Variants in VTI1A observed in about 807,000 individuals in gnomAD.
The protein encoded by VTI1A is vesicle transport through interaction with t-SNAREs 1A.
Under a neutral mutation model 34.9 loss-of-function variants are expected in VTI1A, and 22 were observed. That is an observed-to-expected ratio of 0.63 (90% CI 0.45 to 0.90). The LOEUF (loss-of-function observed/expected upper bound fraction) is 0.90. Ranked by LOEUF, VTI1A falls within the 40% of genes least tolerant of loss-of-function variation. VTI1A has a pLI of 0.00. For synonymous variants in VTI1A, 87 were observed against 97.3 expected, an observed-to-expected ratio of 0.89 and a Z score of 0.62; for missense variants, 268 against 275.6, an observed-to-expected ratio of 0.97 and a Z score of 0.20.
chr10:112,699,978 G>A (rs1848942278), intron 7 of VTI1A, among the ~76,000 whole-genome samples: 2 of 151,370 alleles, frequency 1.3e-5, no homozygotes, highest in Non-Finnish European at 2.9e-5. Context: ...AATTAGCCGG[G>A]TATGGTGGCG....
At chr10:112,783,946 C>G (rs1057025418) in intron 7 of VTI1A, among the ~76,000 whole-genome samples, 2 of 152,146 alleles carry the variant, frequency 1.3e-5, no homozygotes, top group African/African-American at 2.4e-5. Flanking sequence ...CGCCTTCTCC[C>G]GAGAACTGTC....
intron 7 of VTI1A, among the ~76,000 whole-genome samples, chr10:112,745,276 T>C (rs1850854120): frequency 6.6e-6 from 1 of 152,142 alleles, no homozygotes; most frequent in Non-Finnish European, 1.5e-5. Flanking sequence ...CTTCTTTGGC[T>C]CTGTGGTTCA....
At chr10:112,778,968 G>A (rs1444312641) in intron 7 of VTI1A, among the ~76,000 whole-genome samples, 2 of 152,070 alleles carry the variant, frequency 1.3e-5, no homozygotes, top group Non-Finnish European at 2.9e-5. Context: ...TTTCCTAAAA[G>A]AAGGAAAAAA....
chr10:112,842,050 C>CTTTTTTTTTTTTTTTTTTTTTTTTTTT, the VTI1A span, among the ~76,000 whole-genome samples: 2 of 93,166 alleles, frequency 2.1e-5, no homozygotes, highest in Non-Finnish European at 4.1e-5. Context: ...TTTTTTTTTT[C>CTTTTTTTTTTTTTTTTTTTTTTTTTTT]CTTTTTTTTT....
At chr10:112,701,776 T>C (rs56361917) in intron 7 of VTI1A, among the ~76,000 whole-genome samples, 1 of 152,178 alleles carries the variant, frequency 6.6e-6, no homozygotes, top group South Asian at 2.1e-4. Context: ...AGGTTCATGT[T>C]CCCAAGGTTA....
intron 1 of VTI1A, chr10:112,450,352 T>C (rs1234614169): frequency 6.6e-6 from 1 of 152,252 alleles, no homozygotes. Context: ...GACATTAATA[T>C]ATATAACCAT....
chr10:112,503,260 C>T (rs183142837), intron 3 of VTI1A, among the ~76,000 whole-genome samples: 8 of 152,216 alleles, frequency 5.3e-5, no homozygotes, highest in African/African-American at 1.9e-4. Flanking sequence ...CCTCTTCATC[C>T]TCCTCTCCCC....
chr10:112,610,817 G>T (rs1845275283), intron 5 of VTI1A, among the ~76,000 whole-genome samples: 1 of 152,176 alleles, frequency 6.6e-6, no homozygotes, highest in African/African-American at 2.4e-5. Context: ...AACTCGGGAA[G>T]CTGAGGCAGG....
intron 7 of VTI1A, among the ~76,000 whole-genome samples, chr10:112,781,697 G>A (rs1852131993): frequency 6.6e-6 from 1 of 151,170 alleles, no homozygotes; most frequent in African/African-American, 2.4e-5. Flanking sequence ...AAAAATTAGT[G>A]GGGTGTGATG....
chr10:112,827,596 G>A, the VTI1A span: 1 of 151,950 alleles, frequency 6.6e-6, no homozygotes, highest in Non-Finnish European at 1.5e-5. Flanking sequence ...ATTCCATCAA[G>A]TAATTTATTT....
Position 112,518,611 on chromosome 10 carries a change from A to ATGTG in VTI1A, c.265-8466_265-8463dup, listed in dbSNP as rs1365789222. The stretch of plus-strand genomic sequence containing the variant: ...TCTCTATATATATATATATATATAT[A>ATGTG]TGTGTGTGTGTGTATGTGTATATAT... On this transcript the variant is annotated intron_variant, in intron 3 of 7. Coordinates refer to ENST00000393077, the MANE Select transcript of VTI1A (RefSeq NM_145206.4). Among the ~76,000 whole-genome samples the ATGTG allele has an allele frequency of 1.5e-3, 205 of 134,172 alleles. 1 individual carries two copies. Among genetic ancestry groups the ATGTG allele is most frequent in the East Asian group, 6.0e-3 (25 of 4,164 alleles). 88.0% of individuals were successfully genotyped at this position (134,172 alleles called of 152,430 possible).
chr10:112,606,277 G>A (rs1476641020), intron 5 of VTI1A, among the ~76,000 whole-genome samples: 2 of 151,932 alleles, frequency 1.3e-5, no homozygotes, highest in African/African-American at 4.8e-5. Context: ...CACCGACTTC[G>A]GCCTCCCAAA....
chr10:112,500,511 C>T (rs985265101), intron 3 of VTI1A, among the ~76,000 whole-genome samples: 2 of 152,080 alleles, frequency 1.3e-5, no homozygotes, highest in African/African-American at 4.8e-5. Context: ...ATATCACATG[C>T]ATTCAAATTT....
At chr10:112,814,143 G>C (rs1016815607) in intron 7 of VTI1A, among the ~76,000 whole-genome samples, 1 of 152,138 alleles carries the variant, frequency 6.6e-6, no homozygotes, top group African/African-American at 2.4e-5. Flanking sequence ...ATTTTTTTGT[G>C]TGTGAAGATA....
In VTI1A at chr10:112,722,808, A is replaced by C. The variant is rs1318268773; in HGVS notation, c.560+53810A>C. Among the ~76,000 whole-genome samples, 3 of 152,116 alleles carry C rather than the reference A, an allele frequency of 2.0e-5. No homozygotes were observed. In the South Asian group the frequency reaches 6.2e-4, roughly 32 times the overall value. On this transcript the variant is annotated intron_variant, in intron 7 of 7. Coordinates refer to ENST00000393077, the MANE Select transcript of VTI1A (RefSeq NM_145206.4). Reference sequence around the variant, plus strand: ...TAACAGCTGTCCGGGTGATGCTTACATGAAACCAGAGTTAAGAAGAGCTCA... The same window carrying C: ...TAACAGCTGTCCGGGTGATGCTTACCTGAAACCAGAGTTAAGAAGAGCTCA...
chr10:112,491,218 A>C (rs971211951), intron 3 of VTI1A, among the ~76,000 whole-genome samples: 1 of 152,220 alleles, frequency 6.6e-6, no homozygotes, highest in African/African-American at 2.4e-5. Flanking sequence ...CAGTTGATTA[A>C]ATTAAACATT....
At chr10:112,608,856 T>A (rs914929211) in intron 5 of VTI1A, among the ~76,000 whole-genome samples, 3 of 152,214 alleles carry the variant, frequency 2.0e-5, no homozygotes, top group African/African-American at 7.2e-5. Flanking sequence ...TGCTTGAAAC[T>A]GATGTTAAAT....
In VTI1A at chr10:112,668,994, C is replaced by T. The variant is rs762682022; in HGVS notation, c.556C>T (p.Arg186Ter). The change falls in exon 7 of 8, where the codon CGA becomes TGA. Residue 186 changes from arginine to a stop codon, truncating the protein, a stop_gained. Coordinates refer to ENST00000393077, the MANE Select transcript of VTI1A (RefSeq NM_145206.4). LOFTEE classifies it high-confidence loss of function. ...CTCCAGGATTCTGACAGGGATGTTG[C>T]GAAGGTAAGAGCAAGGTAGGGACAT... ...KSSRILTGML[R>*]RIIQNRILLV... 14 of 1,611,828 alleles carry T rather than the reference C, an allele frequency of 8.7e-6. No individual in the cohort carries two copies. The highest frequency in any genetic ancestry group is 3.3e-5 in the South Asian group (3 of 91,000).
At chr10:112,660,254 C>T (rs1349922628) in intron 5 of VTI1A, among the ~76,000 whole-genome samples, 1 of 152,220 alleles carries the variant, frequency 6.6e-6, no homozygotes, top group South Asian at 2.1e-4. Flanking sequence ...GCGCACGCCA[C>T]CATGCCCAGC....
Sources: allele counts gnomAD v4.1 joint callset (sites outside exome capture counted in the v4.1 genomes callset), GRCh38; gene constraint gnomAD v4.1.1; transcripts MANE v1.5; gene names NCBI Gene and HGNC (gene_info 2026-07-23, HGNC 2026-07-21).